The following MYOM2 variants were observed in gnomAD, a reference collection of about 807,000 sequenced individuals.
MYOM2 encodes the protein myomesin-2.
In MYOM2, 254 loss-of-function variants were observed where a neutral mutation model predicts 187.6. The observed-to-expected ratio is 1.35, with a 90% confidence interval of 1.22 to 1.50. The LOEUF (loss-of-function observed/expected upper bound fraction) is 1.50. MYOM2 is among the 40% of genes most tolerant of loss of function. The pLI is 0.00. For missense variants in MYOM2, 2,796 were observed against 1,924.0 expected (o/e 1.45, Z -8.48); for synonymous variants, 981 against 753.8 (o/e 1.30, Z -4.94).
intron 5 of MYOM2, among the ~76,000 whole-genome samples, chr8:2,058,694 G>T (rs1329751740): frequency 1.3e-5 from 2 of 152,112 alleles, no homozygotes; most frequent in East Asian, 1.9e-4. Context: ...GCTGAGGCTC[G>T]CCTGCTCTTG....
chr8:2,086,330 GCC>G lies in MYOM2; in HGVS notation c.1644+945_1644+946del, dbSNP rs1387649857. Among the ~76,000 whole-genome samples, 379 of 94,478 alleles carry G rather than the reference GCC, an allele frequency of 4.0e-3. 122 individuals are homozygous for G. Among genetic ancestry groups the G allele is most frequent in the African/African-American group, 9.6e-3 (203 of 21,182 alleles). 62.0% of individuals were successfully genotyped at this position (94,478 alleles called of 152,430 possible). On this transcript the variant is annotated intron_variant, in intron 14 of 36. Transcript: ENST00000262113. ...CCCCCACAGTCGTGATCTCTGCGTG[GCC>G]CCCCACTGTTGTGATCTCTGCGTGG...
chr8:2,086,133 T>A (rs867512863), intron 14 of MYOM2, among the ~76,000 whole-genome samples: 12 of 13,616 alleles, frequency 8.8e-4, no homozygotes, highest in Non-Finnish European at 1.3e-3. Flanking sequence ...GGCCCCCCAC[T>A]GTCGTGATCT....
chr8:2,094,128 C>T, intron 17 of MYOM2, 37 bp downstream of exon 17: 1 of 1,608,854 alleles, frequency 6.2e-7, no homozygotes, highest in Non-Finnish European at 8.5e-7. Flanking sequence ...CCGATTGCTC[C>T]CATACACTGT....
At chr8:2,126,663 G>A (rs1471473665) in intron 31 of MYOM2, among the ~76,000 whole-genome samples, 1 of 150,988 alleles carries the variant, frequency 6.6e-6, no homozygotes, top group Admixed American at 6.6e-5. Flanking sequence ...CACCGGGAGA[G>A]GCTGATGGAG....
intron 28 of MYOM2, among the ~76,000 whole-genome samples, chr8:2,118,613 G>T (rs890090831): frequency 6.6e-6 from 1 of 152,208 alleles, no homozygotes; most frequent in Non-Finnish European, 1.5e-5. Flanking sequence ...CAGTGAGTGG[G>T]AAAAGATGGT....
rs1585902311 is a variant in MYOM2, at chr8:2,098,722, T to C, written c.2314-135T>C. 3.1e-6 allele frequency: 3 copies of C among 976,706 alleles called. No homozygotes were observed. The East Asian group carries it at 8.2e-5, about 27-fold the overall frequency. 60.5% of individuals were successfully genotyped at this position (976,706 alleles called of 1,614,324 possible). ...GGCCACATCGAGGTCCTTCCTGAAATATTTGGTCCAATTTCCCGACAAGGT... is the reference window on the plus strand; with the variant it reads ...GGCCACATCGAGGTCCTTCCTGAAACATTTGGTCCAATTTCCCGACAAGGT... On this transcript the variant is annotated intron_variant, in intron 18 of 36. Coordinates refer to ENST00000262113, the MANE Select transcript of MYOM2 (RefSeq NM_003970.4).
At chr8:2,126,184 G>A (rs4876221) in intron 31 of MYOM2, among the ~76,000 whole-genome samples, 57,332 of 152,038 alleles carry the variant, frequency 0.38, 11,229 homozygotes, top group Non-Finnish European at 0.44. Flanking sequence ...GAGATGCAGC[G>A]GCTGAGGGGA....
At chr8:2,063,087 A>C (rs1178296580) in intron 6 of MYOM2, among the ~76,000 whole-genome samples, 1 of 152,238 alleles carries the variant, frequency 6.6e-6, no homozygotes, top group Admixed American at 6.5e-5. Context: ...GGAAACTTCC[A>C]AGACCACCTT....
At chr8:2,083,018 T>G (rs1251766490) in intron 13 of MYOM2, among the ~76,000 whole-genome samples, 2 of 152,220 alleles carry the variant, frequency 1.3e-5, no homozygotes, top group East Asian at 3.8e-4. Context: ...TATGTTTTTA[T>G]GAGATCAATT....
intron 12 of MYOM2, among the ~76,000 whole-genome samples, chr8:2,079,281 G>T (rs1485963345): frequency 2.0e-5 from 3 of 151,972 alleles, no homozygotes; most frequent in Non-Finnish European, 4.4e-5. Flanking sequence ...TTTTAATTTT[G>T]CATGACACAG....
intron 6 of MYOM2, 57 bp from the exon 7 acceptor site, chr8:2,069,221 G>C (rs1354161753): frequency 2.6e-6 from 4 of 1,529,912 alleles, no homozygotes; most frequent in South Asian, 2.4e-5. Context: ...TGCAATTCGG[G>C]TCACTGACTT....
At chr8:2,064,399 C>A (rs1014309760) in intron 6 of MYOM2, among the ~76,000 whole-genome samples, 2 of 152,234 alleles carry the variant, frequency 1.3e-5, no homozygotes, top group Non-Finnish European at 2.9e-5. Flanking sequence ...GTGGGGGTGA[C>A]CGCGAGCTCC....
chr8:2,123,097 C>G (rs111341034), intron 28 of MYOM2, among the ~76,000 whole-genome samples, 155 bp from the exon 29 acceptor site: 2 of 152,204 alleles, frequency 1.3e-5, no homozygotes, highest in African/African-American at 2.4e-5. Context: ...TTATTGGGAG[C>G]GACAGCTTTT....
intron 16 of MYOM2, among the ~76,000 whole-genome samples, chr8:2,093,204 G>C (rs746077739): frequency 3.3e-5 from 5 of 152,164 alleles, no homozygotes; most frequent in Non-Finnish European, 5.9e-5. Flanking sequence ...ACTGTAAAAA[G>C]TGGTGGCTAA....
At chr8:2,061,361 T>A (rs566724833) in intron 6 of MYOM2, among the ~76,000 whole-genome samples, 1 of 152,248 alleles carries the variant, frequency 6.6e-6, no homozygotes, top group South Asian at 2.1e-4. Context: ...CTAGTCTTTG[T>A]CCCCGTCCAG....
At chr8:2,052,401 A>T in intron 3 of MYOM2, 88 bp downstream of exon 3, 1 of 1,380,148 alleles carries the variant, frequency 7.2e-7, no homozygotes. Flanking sequence ...GAGCGACCTT[A>T]GCTGAGAGGG....
intron 34 of MYOM2, 63 bp downstream of exon 34, chr8:2,141,240 C>T: frequency 1.4e-6 from 2 of 1,456,056 alleles, no homozygotes; most frequent in Non-Finnish European, 1.9e-6. Context: ...GTCGTTTTGG[C>T]TGCATGTGGG....
In MYOM2 at chr8:2,144,912, G is replaced by A. The variant is rs748927339; in HGVS notation, c.4329G>A (p.Pro1443=). 9.3e-6 allele frequency: 15 copies of A among 1,614,124 alleles called. No homozygotes were observed. Among genetic ancestry groups the A allele is most frequent in the South Asian group, 4.4e-5 (4 of 91,074 alleles). ...VSVYKHGEKI[P]DMAPPQQAKP... ...TGTACAAACACGGGGAGAAGATCCCGGACATGGCCCCGCCCCAGCAAGCCA... is the reference window on the plus strand; with the variant it reads ...TGTACAAACACGGGGAGAAGATCCCAGACATGGCCCCGCCCCAGCAAGCCA... Residue 1443 remains proline (P), a synonymous_variant, in exon 37 of 37, where the codon CCG becomes CCA. Transcript: ENST00000262113.
chr8:2,129,892 G>T (rs975281587), intron 32 of MYOM2, among the ~76,000 whole-genome samples: 1 of 152,138 alleles, frequency 6.6e-6, no homozygotes. Flanking sequence ...AACAGGACTC[G>T]CATCAGGGTC....
Sources: allele counts gnomAD v4.1 joint callset (sites outside exome capture counted in the v4.1 genomes callset), GRCh38; gene constraint gnomAD v4.1.1; transcripts MANE v1.5; gene names NCBI Gene and HGNC (gene_info 2026-07-23, HGNC 2026-07-21).